KIAA0825: variants seen among roughly 807,000 people sequenced by gnomAD.
KIAA0825 encodes uncharacterized protein KIAA0825.
Under a neutral mutation model 147.6 loss-of-function variants are expected in KIAA0825, and 119 were observed. The ratio of observed to expected loss-of-function variants is 0.81; its 90% CI spans 0.69 to 0.94. KIAA0825 has a LOEUF of 0.94. Ranked by LOEUF, KIAA0825 falls within the 40% of genes least tolerant of loss-of-function variation. The pLI is 0.00. For synonymous variants in KIAA0825, 470 were observed against 518.1 expected, an observed-to-expected ratio of 0.91 and a Z score of 1.26; for missense variants, 1,381 against 1,472.7, an observed-to-expected ratio of 0.94 and a Z score of 1.02.
At chr5:94,263,266 C>A (rs1776591464) in intron 20 of KIAA0825, among the ~76,000 whole-genome samples, 1 of 152,154 alleles carries the variant, frequency 6.6e-6, no homozygotes, top group Admixed American at 6.6e-5. Flanking sequence ...TTCTGGTAAC[C>A]AAGTTCTCAA....
chr5:94,596,710 G>C (rs187479135), intron 1 of KIAA0825, among the ~76,000 whole-genome samples: 2 of 152,218 alleles, frequency 1.3e-5, no homozygotes, highest in Admixed American at 1.3e-4. Flanking sequence ...ATCCATGAGC[G>C]TGGAATGTTT....
At chr5:94,429,032 C>G (rs1188443313) in intron 14 of KIAA0825, among the ~76,000 whole-genome samples, 2 of 152,224 alleles carry the variant, frequency 1.3e-5, no homozygotes, top group African/African-American at 4.8e-5. Flanking sequence ...ATGAGATTTT[C>G]AATTCCAGAG....
chr5:94,218,766 TCA>T (rs1721863580), intron 20 of KIAA0825, among the ~76,000 whole-genome samples: 1 of 152,210 alleles, frequency 6.6e-6, no homozygotes, highest in Non-Finnish European at 1.5e-5. Context: ...CTTCCCAATG[TCA>T]CCTGCTAACA....
chr5:94,406,608 T>C (rs1205713904), intron 15 of KIAA0825, among the ~76,000 whole-genome samples: 1 of 152,194 alleles, frequency 6.6e-6, no homozygotes, highest in Admixed American at 6.5e-5. Context: ...AAATCAACTT[T>C]TGAGAACTCT....
At chr5:94,157,087 T>C (rs1767099446) in intron 20 of KIAA0825, among the ~76,000 whole-genome samples, 1 of 152,172 alleles carries the variant, frequency 6.6e-6, no homozygotes, top group Non-Finnish European at 1.5e-5. Flanking sequence ...TCCCCTAATA[T>C]ATTTAATATC....
In KIAA0825 at chr5:94,538,066, C is replaced by G. The variant is rs181711931; in HGVS notation, c.-1-939G>C. Among the ~76,000 whole-genome samples, 3 of 152,342 alleles carry G rather than the reference C, an allele frequency of 2.0e-5. No individual in the cohort carries two copies. In the East Asian group the frequency reaches 5.8e-4, roughly 29 times the overall value. ...TACTGAATGTTTGATAGGTTATATA[C>G]ACTGCTGTAGAGGCTGGGATATAGC... On this transcript the variant is annotated intron_variant, in intron 2 of 20. Transcript: ENST00000682413.
intron 14 of KIAA0825, among the ~76,000 whole-genome samples, chr5:94,428,143 T>TTGTGTGTGTG (rs61572627): frequency 1.3e-3 from 170 of 134,582 alleles, no homozygotes; most frequent in Middle Eastern, 3.7e-3. Context: ...TAAGGTCTTG[T>TTGTGTGTGTG]TGTGTGTGTG....
At chr5:94,296,552 TC>T (rs1002003769) in intron 20 of KIAA0825, among the ~76,000 whole-genome samples, 1 of 152,168 alleles carries the variant, frequency 6.6e-6, no homozygotes, top group African/African-American at 2.4e-5. Flanking sequence ...TGAGGGAATC[TC>T]CTGGTCTGGG....
intron 5 of KIAA0825, 28 bp downstream of exon 5, chr5:94,520,220 C>A: frequency 6.5e-7 from 1 of 1,535,356 alleles, no homozygotes; most frequent in Non-Finnish European, 8.7e-7. Context: ...TTAAGTTAAA[C>A]CAAACAAAAA....
intron 20 of KIAA0825, among the ~76,000 whole-genome samples, chr5:94,224,016 C>T (rs1438331407): frequency 6.8e-6 from 1 of 146,106 alleles, no homozygotes; most frequent in Admixed American, 6.8e-5. Context: ...GTTAATTATT[C>T]AAAATGATTT....
At chr5:94,372,760 C>T (rs952903492) in intron 20 of KIAA0825, among the ~76,000 whole-genome samples, 3 of 152,180 alleles carry the variant, frequency 2.0e-5, no homozygotes, top group African/African-American at 7.2e-5. Flanking sequence ...TTCAGCTCCT[C>T]GTTACTTATG....
At chr5:94,389,001 T>C (rs1749552998) in intron 18 of KIAA0825, among the ~76,000 whole-genome samples, 1 of 152,236 alleles carries the variant, frequency 6.6e-6, no homozygotes, top group African/African-American at 2.4e-5. Flanking sequence ...GTATGGTAGA[T>C]GCACCTGACG....
At chr5:94,200,784 A>G (rs969759249) in intron 20 of KIAA0825, among the ~76,000 whole-genome samples, 1 of 151,804 alleles carries the variant, frequency 6.6e-6, no homozygotes, top group African/African-American at 2.4e-5. Context: ...CTCCCATACC[A>G]GTATAACTAT....
intron 20 of KIAA0825, among the ~76,000 whole-genome samples, chr5:94,370,167 A>G (rs550527931): frequency 6.7e-6 from 1 of 149,126 alleles, no homozygotes; most frequent in Admixed American, 6.7e-5. Context: ...CAAAAAAAAT[A>G]AAAAAAAAAG....
At chr5:94,541,605 A>G (rs149572566) in intron 2 of KIAA0825, among the ~76,000 whole-genome samples, 1,548 of 152,364 alleles carry the variant, frequency 0.01, 7 homozygotes, top group Non-Finnish European at 0.016. Flanking sequence ...GTTTCCATAC[A>G]TTGGAATAAA....
intron 20 of KIAA0825, among the ~76,000 whole-genome samples, chr5:94,239,386 C>A (rs1175732780): frequency 6.6e-6 from 1 of 152,150 alleles, no homozygotes; most frequent in Non-Finnish European, 1.5e-5. Context: ...CTTACAGGAA[C>A]ACATTGAGAG....
intron 17 of KIAA0825, among the ~76,000 whole-genome samples, chr5:94,395,317 T>C (rs980302808): frequency 2.6e-5 from 4 of 152,208 alleles, no homozygotes; most frequent in Non-Finnish European, 4.4e-5. Context: ...TAGTATCTGC[T>C]AGCAACATGA....
chr5:94,575,943 G>A (rs1217156153), intron 2 of KIAA0825, among the ~76,000 whole-genome samples: 5 of 152,188 alleles, frequency 3.3e-5, no homozygotes, highest in African/African-American at 1.2e-4. Context: ...TAATCTGAAT[G>A]ACAGAATGGT....
At chr5:94,529,188 A>G (rs1334392516) in intron 3 of KIAA0825, among the ~76,000 whole-genome samples, 2 of 147,470 alleles carry the variant, frequency 1.4e-5, no homozygotes, top group Admixed American at 6.9e-5. Flanking sequence ...TATATATTAT[A>G]TATATGAAGT....
Sources: allele counts gnomAD v4.1 joint callset (sites outside exome capture counted in the v4.1 genomes callset), GRCh38; gene constraint gnomAD v4.1.1; transcripts MANE v1.5; gene names NCBI Gene and HGNC (gene_info 2026-07-23, HGNC 2026-07-21).